The following METTL15 variants were observed in gnomAD, a reference collection of about 807,000 sequenced individuals.
The protein encoded by METTL15 is 12S rRNA N(4)-cytidine methyltransferase METTL15.
In METTL15, 34 loss-of-function variants were observed where a neutral mutation model predicts 38.3. The ratio of observed to expected loss-of-function variants is 0.89; its 90% CI spans 0.68 to 1.18. The LOEUF (loss-of-function observed/expected upper bound fraction) is 1.18. Ranked by LOEUF, METTL15 falls within the 50% of genes most tolerant of loss-of-function variation. The pLI is 0.00. For missense variants in METTL15, 438 were observed against 498.4 expected, an observed-to-expected ratio of 0.88 and a Z score of 1.15; for synonymous variants, 162 against 170.9, an observed-to-expected ratio of 0.95 and a Z score of 0.41.
intron 4 of METTL15, among the ~76,000 whole-genome samples, chr11:28,244,460 C>CTTGT (rs1468661631): frequency 6.6e-6 from 1 of 151,846 alleles, no homozygotes; most frequent in Non-Finnish European, 1.5e-5. Context: ...TGTTTGTTTG[C>CTTGT]TTGTTTTCTT....
chr11:28,142,710 A>G (rs1042557906), intron 3 of METTL15, among the ~76,000 whole-genome samples: 3 of 152,222 alleles, frequency 2.0e-5, no homozygotes, highest in African/African-American at 7.2e-5. Context: ...GACCATGTTA[A>G]GAATATTTGG....
intron 3 of METTL15, among the ~76,000 whole-genome samples, chr11:28,118,293 C>T (rs1852062535): frequency 2.0e-5 from 3 of 152,172 alleles, no homozygotes; most frequent in Admixed American, 6.5e-5. Flanking sequence ...TAGTTTACTA[C>T]AGATTTGTTT....
intron 6 of METTL15, among the ~76,000 whole-genome samples, chr11:28,487,068 A>G (rs1401360105): frequency 3.3e-5 from 5 of 152,158 alleles, no homozygotes; most frequent in African/African-American, 7.2e-5. Flanking sequence ...AGATGTTCAA[A>G]TATTCAGCTT....
At chr11:28,439,640 T>C (rs1014954201) in intron 6 of METTL15, among the ~76,000 whole-genome samples, 1 of 152,212 alleles carries the variant, frequency 6.6e-6, no homozygotes, top group Admixed American at 6.5e-5. Flanking sequence ...GAGTACTAAA[T>C]AATCCTACTA....
chr11:28,471,326 G>A (rs976563206), intron 6 of METTL15, among the ~76,000 whole-genome samples: 13 of 152,122 alleles, frequency 8.5e-5, no homozygotes, highest in African/African-American at 2.9e-4. Flanking sequence ...AGATTCAAGG[G>A]GAAAGGATCG....
At chr11:28,150,887 G>A (rs557511974) in intron 3 of METTL15, among the ~76,000 whole-genome samples, 17 of 151,048 alleles carry the variant, frequency 1.1e-4, no homozygotes, top group African/African-American at 4.1e-4. Flanking sequence ...CCCACACCAT[G>A]TTGTTGGAAT....
At chr11:28,280,033 G>T (rs1855995413) in intron 4 of METTL15, among the ~76,000 whole-genome samples, 1 of 151,368 alleles carries the variant, frequency 6.6e-6, no homozygotes. Flanking sequence ...TTCCTTTTGT[G>T]CCACTACCAT....
chr11:28,274,982 A>G (rs10835304), intron 4 of METTL15, among the ~76,000 whole-genome samples: 56,909 of 151,222 alleles, frequency 0.38, 12,254 homozygotes, highest in African/African-American at 0.59. Flanking sequence ...ACTCAAAAAA[A>G]GGGAAGTTTA....
intron 4 of METTL15, among the ~76,000 whole-genome samples, chr11:28,217,824 T>C (rs1004921814): frequency 4.6e-5 from 7 of 152,084 alleles, no homozygotes; most frequent in South Asian, 4.2e-4. Flanking sequence ...GAATCCTTTC[T>C]CCATTTCTTG....
At chr11:28,388,712 G>T (rs1850467665) in intron 5 of METTL15, among the ~76,000 whole-genome samples, 1 of 151,960 alleles carries the variant, frequency 6.6e-6, no homozygotes, top group African/African-American at 2.4e-5. Context: ...TTAACTTTTA[G>T]GGGACATATG....
intron 6 of METTL15, among the ~76,000 whole-genome samples, chr11:28,308,984 A>G (rs988410291): frequency 3.3e-5 from 5 of 152,152 alleles, no homozygotes; most frequent in Admixed American, 2.6e-4. Context: ...TCAATCAACC[A>G]ATAGATAGAT....
chr11:28,198,050 G>A (rs1851974497), intron 3 of METTL15, among the ~76,000 whole-genome samples: 1 of 152,020 alleles, frequency 6.6e-6, no homozygotes, highest in Non-Finnish European at 1.5e-5. Flanking sequence ...TTAAAAGAAA[G>A]TACCTCTCCA....
intron 4 of METTL15, among the ~76,000 whole-genome samples, chr11:28,277,199 T>C (rs560125623): frequency 6.6e-6 from 1 of 152,218 alleles, no homozygotes; most frequent in East Asian, 1.9e-4. Context: ...ACAAATAGAA[T>C]TACCACTCAA....
chr11:28,241,970 G>A lies in METTL15; in HGVS notation c.407+30772G>A, dbSNP rs908583187. On this transcript the variant is annotated intron_variant, in intron 4 of 6. Coordinates refer to ENST00000407364, the MANE Select transcript of METTL15 (RefSeq NM_001113528.2). ...AATCATTGCAGAGTTTTCAGTGAGT[G>A]ACATTGTCTGACATGTTTTAAAAGC... Among the ~76,000 whole-genome samples, 4 of 152,188 alleles carry A rather than the reference G, an allele frequency of 2.6e-5. 1 individual carries two copies. The highest frequency in any genetic ancestry group is 9.7e-5 in the African/African-American group (4 of 41,446).
intron 3 of METTL15, among the ~76,000 whole-genome samples, chr11:28,203,476 T>A (rs1013035520): frequency 9.2e-5 from 14 of 152,132 alleles, no homozygotes; most frequent in Non-Finnish European, 1.5e-4. Context: ...TATCTTCATA[T>A]TAAGAAAGAG....
At chr11:28,261,433 GAC>G (rs1855197557) in intron 4 of METTL15, 1 of 156,490 alleles carries the variant, frequency 6.4e-6, no homozygotes, top group Non-Finnish European at 1.5e-5. Flanking sequence ...GGAGGAAGGG[GAC>G]ACCCACCTTG....
chr11:28,176,163 A>C (rs937033972), intron 3 of METTL15, among the ~76,000 whole-genome samples: 4 of 152,056 alleles, frequency 2.6e-5, no homozygotes, highest in Non-Finnish European at 5.9e-5. Context: ...CAAAAGAAAT[A>C]TATTTAGAAA....
At chr11:28,250,469 A>T (rs1590218168) in intron 4 of METTL15, among the ~76,000 whole-genome samples, 1 of 152,076 alleles carries the variant, frequency 6.6e-6, no homozygotes, top group Middle Eastern at 3.4e-3. Context: ...ATATTTAGTG[A>T]TGGTGAGCAT....
At chr11:28,501,994 G>C (rs906526867) in intron 6 of METTL15, among the ~76,000 whole-genome samples, 3 of 151,880 alleles carry the variant, frequency 2.0e-5, no homozygotes, top group East Asian at 3.9e-4. Context: ...CCAGCTACTC[G>C]GGAGGCTGAG....
Sources: gnomAD v4.1 joint callset for allele counts (sites outside exome capture counted in the v4.1 genomes callset) on GRCh38, gnomAD v4.1.1 for gene constraint, MANE v1.5 for transcripts, NCBI Gene and HGNC (gene_info 2026-07-23, HGNC 2026-07-21) for gene names.